The following CELF1 variants were observed in gnomAD, a reference collection of about 807,000 sequenced individuals.
The protein encoded by CELF1 is 50 kDa nuclear polyadenylated RNA-binding protein.
CELF1 carries 10 observed loss-of-function variants against 61.8 expected under a neutral mutation model. That is an observed-to-expected ratio of 0.16 (90% CI 0.10 to 0.27). CELF1 has a LOEUF of 0.27. CELF1 is among the 10% of genes least tolerant of loss of function. The pLI, the probability that CELF1 is intolerant of heterozygous loss-of-function variation, is 1.00. For missense variants in CELF1, 380 were observed against 639.1 expected (o/e 0.59, Z 4.37); for synonymous variants, 236 against 225.1 (o/e 1.05, Z -0.43).
chr11:47,525,945 A>C (rs1190298837), intron 1 of CELF1, among the ~76,000 whole-genome samples: 1 of 151,844 alleles, frequency 6.6e-6, no homozygotes, highest in Non-Finnish European at 1.5e-5. Context: ...ACAAACAAAA[A>C]AAAAAAAGGA....
chr11:47,516,757 A>C (rs988921300), intron 1 of CELF1, among the ~76,000 whole-genome samples: 1 of 151,900 alleles, frequency 6.6e-6, no homozygotes, highest in African/African-American at 2.4e-5. Flanking sequence ...CAAGCCACCA[A>C]GCCTGGCTAA....
intron 1 of CELF1, among the ~76,000 whole-genome samples, chr11:47,531,477 G>A (rs1175957128): frequency 6.6e-6 from 1 of 152,026 alleles, no homozygotes; most frequent in East Asian, 1.9e-4. Flanking sequence ...GCTGAGGTAG[G>A]AGAATTGCTT....
At chr11:47,561,141 A>G (rs1476962042) in intron 2 of CELF1, among the ~76,000 whole-genome samples, 2 of 148,294 alleles carry the variant, frequency 1.3e-5, no homozygotes, top group African/African-American at 5.0e-5. Flanking sequence ...CTGTCTCAAA[A>G]AAAAAAAAAA....
intron 3 of CELF1, among the ~76,000 whole-genome samples, chr11:47,498,558 C>T (rs2093485284): frequency 6.6e-6 from 1 of 152,212 alleles, no homozygotes; most frequent in Non-Finnish European, 1.5e-5. Context: ...CTTGCATTAA[C>T]ACTTGTTATC....
In CELF1 at chr11:47,476,904, A is replaced by C. The variant is rs2080466534; in HGVS notation, c.1029T>G (p.Leu343=). 2 of 1,614,232 alleles carry C rather than the reference A, an allele frequency of 1.2e-6. No individual in the cohort carries two copies. The highest frequency in any genetic ancestry group is 4.5e-5 in the East Asian group (2 of 44,884). ...SSNSVNPIAS[L]GALQTLAGAT... ...CTCCAGCTAATGTCTGCAGGGCTCC[A>C]AGTGAGGCTATGGGGTTGACAGAAT... Residue 343 remains leucine (L), a synonymous_variant, in exon 12 of 15, where the codon CTT becomes CTG. Coordinates refer to ENST00000687097, the MANE Select transcript of CELF1 (RefSeq NM_001376376.1).
At chr11:47,503,051 T>C (rs1474433832) in intron 1 of CELF1, among the ~76,000 whole-genome samples, 4 of 152,238 alleles carry the variant, frequency 2.6e-5, no homozygotes, top group African/African-American at 4.8e-5. Flanking sequence ...CTGCCTTGAA[T>C]ATTCTCTACT....
chr11:47,502,298 T>C (rs1439928745), intron 1 of CELF1, among the ~76,000 whole-genome samples: 3 of 152,174 alleles, frequency 2.0e-5, no homozygotes, highest in African/African-American at 4.8e-5. Context: ...GGGCACTTCT[T>C]CTCAGGCAGG....
intron 2 of CELF1, among the ~76,000 whole-genome samples, chr11:47,563,357 ATT>A (rs2097232666): frequency 6.6e-6 from 1 of 152,216 alleles, no homozygotes; most frequent in Non-Finnish European, 1.5e-5. Context: ...GTCTCTGCTA[ATT>A]CATAAGGGGC....
chr11:47,538,642 C>CA (rs33969247), intron 1 of CELF1, among the ~76,000 whole-genome samples: 77,065 of 108,196 alleles, frequency 0.71, 28,086 homozygotes, highest in Non-Finnish European at 0.83. Flanking sequence ...GACTCCGTCT[C>CA]AAAAAAAAAA....
rs75968659 is a variant in CELF1, at chr11:47,509,445, T to C, written c.-153-8513A>G. Among the ~76,000 whole-genome samples the C allele has an allele frequency of 4.4e-3, 663 of 152,244 alleles. 3 individuals are homozygous for C. Among genetic ancestry groups the C allele is most frequent in the African/African-American group, 0.015 (643 of 41,542 alleles). Reference sequence around the variant, plus strand: ...GGTATACACCTGTAGTCCTAGCAACTTGGAAGGATAAGGCAGGAGCACTGT... The same window carrying C: ...GGTATACACCTGTAGTCCTAGCAACCTGGAAGGATAAGGCAGGAGCACTGT... On this transcript the variant is annotated intron_variant, in intron 1 of 14. Transcript: ENST00000687097.
chr11:47,482,122 G>C (rs1337905587), intron 9 of CELF1, among the ~76,000 whole-genome samples: 1 of 152,128 alleles, frequency 6.6e-6, no homozygotes, highest in East Asian at 1.9e-4. Flanking sequence ...AGAATCACTT[G>C]AACCCGAGGT....
chr11:47,541,827 A>G (rs2096810551), intron 1 of CELF1, among the ~76,000 whole-genome samples: 1 of 149,884 alleles, frequency 6.7e-6, no homozygotes, highest in Admixed American at 6.7e-5. Context: ...AGAAAGAAAG[A>G]AAGAAAGAAA....
In CELF1 at chr11:47,478,753, G is replaced by C. The variant is rs918846056; in HGVS notation, c.844+124C>G. ...ATTGAGTCCTGGGATGTTTATCCTA[G>C]GTCAGGTTTACATAATAAGCAAAAA... On this transcript the variant is annotated intron_variant, in intron 10 of 14. Transcript: ENST00000687097. 7.3e-5 allele frequency: 52 copies of C among 710,986 alleles called. No individual in the cohort carries two copies. In the African/African-American group the frequency reaches 9.1e-4, roughly 12 times the overall value. 44.0% of individuals were successfully genotyped at this position (710,986 alleles called of 1,614,324 possible). A position where few individuals can be genotyped will look rare whatever the true frequency, so the allele number is the denominator to read the frequency against.
intron 1 of CELF1, among the ~76,000 whole-genome samples, chr11:47,547,478 G>A (rs2096993591): frequency 6.6e-6 from 1 of 152,016 alleles, no homozygotes; most frequent in Non-Finnish European, 1.5e-5. Flanking sequence ...AGGAGTTTGA[G>A]ACCAGCCTGG....
intron 1 of CELF1, among the ~76,000 whole-genome samples, chr11:47,535,453 CG>C (rs2096603287): frequency 6.6e-6 from 1 of 151,718 alleles, no homozygotes; most frequent in Non-Finnish European, 1.5e-5. Flanking sequence ...CCGAGGCAGG[CG>C]GATCAGTTGA....
chr11:47,537,469 G>A (rs1024983219), intron 1 of CELF1, among the ~76,000 whole-genome samples: 8 of 151,880 alleles, frequency 5.3e-5, no homozygotes, highest in Non-Finnish European at 1.2e-4. Flanking sequence ...GGATGGTCTC[G>A]ATCTCCTGAC....
intron 1 of CELF1, among the ~76,000 whole-genome samples, chr11:47,530,473 A>C (rs554405189): frequency 6.6e-6 from 1 of 152,330 alleles, no homozygotes; most frequent in South Asian, 2.1e-4. Context: ...GCCCAGTCAA[A>C]AGAGGACATA....
chr11:47,478,889 G>A lies in CELF1; in HGVS notation c.832C>T (p.His278Tyr). ...SGNLNTLSSL[H>Y]PMGGLNAMQL... ...GTGAAACACTTACCTCCCATTGGGT[G>A]GAGGCTGCTCAGGGTGTTGAGGTTC... Residue 278 changes from histidine to tyrosine, a missense_variant, in exon 10 of 15, where the codon CAC (histidine) becomes TAC (tyrosine). Transcript: ENST00000687097. 2 of 1,612,758 alleles carry A rather than the reference G, an allele frequency of 1.2e-6. No individual in the cohort carries two copies. Among genetic ancestry groups the A allele is most frequent in the Non-Finnish European group, 8.5e-7 (1 of 1,179,434 alleles).
At chr11:47,552,890 C>A in intron 1 of CELF1, 102 bp downstream of exon 1, 1 of 396,202 alleles carries the variant, frequency 2.5e-6, no homozygotes, top group Non-Finnish European at 4.4e-6. Context: ...GGCCCTGTGA[C>A]CCGCGGCCTC....
Sources: gnomAD v4.1 joint callset for allele counts (sites outside exome capture counted in the v4.1 genomes callset) on GRCh38, gnomAD v4.1.1 for gene constraint, MANE v1.5 for transcripts, NCBI Gene and HGNC (gene_info 2026-07-23, HGNC 2026-07-21) for gene names.